Variants in PCDHGB4 observed in about 807,000 individuals in gnomAD.
The protein encoded by PCDHGB4 is protocadherin gamma-B4.
In PCDHGB4, 38 loss-of-function variants were observed where a neutral mutation model predicts 60.5. The observed-to-expected ratio is 0.63, with a 90% CI of 0.48 to 0.82. The LOEUF (loss-of-function observed/expected upper bound fraction) is 0.82. Ranked by LOEUF, PCDHGB4 falls within the 40% of genes least tolerant of loss-of-function variation. The pLI is 0.00. For missense variants in PCDHGB4, 1,109 were observed against 1,209.6 expected (o/e 0.92, Z 1.23); for synonymous variants, 456 against 509.7 (o/e 0.89, Z 1.42).
chr5:141,392,942 C>T, intron 1 of PCDHGB4: 2 of 1,613,954 alleles, frequency 1.2e-6, no homozygotes, highest in Non-Finnish European at 1.7e-6. Context: ...ACAAAGGCTC[C>T]TTCGTGGGTA....
At position 141,485,576 on chromosome 5, in the gene PCDHGB4, C is replaced by A; in HGVS notation, c.2398-9231C>A. 1 of 1,612,412 alleles carries A rather than the reference C, an allele frequency of 6.2e-7. No individual in the cohort carries two copies. The highest frequency in any genetic ancestry group is 8.5e-7 in the Non-Finnish European group (1 of 1,178,628). On this transcript the variant is annotated intron_variant, in intron 1 of 3. Transcript: ENST00000519479. The surrounding 1 kb of genome is among the most constrained non-coding windows in gnomAD (Gnocchi z 5.7). ...GAATGATCACGCCCCCCGTTTTCCGCGGCAGCAGCTGGACTTGGAAATTGG... is the reference window on the plus strand; with the variant it reads ...GAATGATCACGCCCCCCGTTTTCCGAGGCAGCAGCTGGACTTGGAAATTGG...
At chr5:141,394,982 C>T (rs754667421) in intron 1 of PCDHGB4, 16 of 1,613,866 alleles carry the variant, frequency 9.9e-6, no homozygotes, top group Non-Finnish European at 1.3e-5. Context: ...ACAAGTCACG[C>T]CTGCTCCAGG....
chr5:141,474,244 A>G (rs910247549), intron 1 of PCDHGB4, among the ~76,000 whole-genome samples: 26 of 152,270 alleles, frequency 1.7e-4, no homozygotes, highest in Non-Finnish European at 3.2e-4. Context: ...TGAATAGGGG[A>G]AAAAAAGACT....
chr5:141,399,958 G>A (rs2093927763), intron 1 of PCDHGB4: 5 of 1,612,004 alleles, frequency 3.1e-6, no homozygotes, highest in Non-Finnish European at 4.2e-6. Context: ...TAGCGAGCCC[G>A]GGCTCTTCAG....
Position 141,389,314 on chromosome 5 carries a change from C to T in PCDHGB4, c.1430C>T (p.Pro477Leu), listed in dbSNP as rs2091698838. ...ATTTCACAAGTCAGGGCTTCTGATC[C>T]GGACTTGGGGCCCAACGGCCAAGTC... The part of the protein sequence containing the change: ...ASISQVRASD[P>L]DLGPNGQVSY... Residue 477 changes from proline (P) to leucine (L), a missense_variant, in exon 1 of 4, where the codon CCG becomes CTG. By Grantham distance (98) the Pro-to-Leu change is moderately conservative (BLOSUM62 -3). Coordinates refer to ENST00000519479, the MANE Select transcript of PCDHGB4 (RefSeq NM_003736.4). 2 of 1,613,880 alleles carry T rather than the reference C, an allele frequency of 1.2e-6. No homozygotes were observed. Among genetic ancestry groups the T allele is most frequent in the Non-Finnish European group, 8.5e-7 (1 of 1,179,912 alleles).
chr5:141,414,486 AACGG>A, intron 1 of PCDHGB4: 1 of 1,613,938 alleles, frequency 6.2e-7, no homozygotes, highest in Non-Finnish European at 8.5e-7. Flanking sequence ...CTCCTCTATC[AACGG>A]AAGCTCACTT....
rs148331367 is a variant in PCDHGB4 at position 141,435,055 on chromosome 5, A to C, written c.2397+44774A>C. ...TTTATTTTTTTCCCATTGACCATGC[A>C]GCAGTTTTGTGTAGACCGTCTGATA... On this transcript the variant is annotated intron_variant, in intron 1 of 3. Transcript: ENST00000519479. Among the ~76,000 whole-genome samples, 21 of 152,242 alleles carry C rather than the reference A, an allele frequency of 1.4e-4. No individual in the cohort carries two copies. The East Asian group carries it at 4.0e-3, about 29-fold the overall frequency.
chr5:141,503,045 G>A (rs543484478), intron 2 of PCDHGB4, among the ~76,000 whole-genome samples: 1 of 151,702 alleles, frequency 6.6e-6, no homozygotes, highest in South Asian at 2.1e-4. Context: ...AGTTGAGACA[G>A]GGTTTCACCA....
intron 1 of PCDHGB4, among the ~76,000 whole-genome samples, chr5:141,458,236 C>T (rs6874378): frequency 0.18 from 27,546 of 152,106 alleles, 2,658 homozygotes; most frequent in Admixed American, 0.28. Flanking sequence ...AGTCCATGCA[C>T]CAAAATGATA....
rs2095830931 is a variant in PCDHGB4 at position 141,415,116 on chromosome 5, A to G, written c.2397+24835A>G. 3 of 1,613,652 alleles carry G rather than the reference A, an allele frequency of 1.9e-6. No individual in the cohort carries two copies. The East Asian group carries it at 6.7e-5, about 36-fold the overall frequency. On this transcript the variant is annotated intron_variant, in intron 1 of 3. Transcript: ENST00000519479. The stretch of plus-strand genomic sequence containing the variant: ...GAGACGCGCTCAAGCAAAGCCTCGT[A>G]GTGGCCGTCCAGGACCACGGCCAGC...
At position 141,389,061 on chromosome 5, in the gene PCDHGB4, T is replaced by C; in HGVS notation, c.1177T>C (p.Leu393=). ...KLEGDVPFKI[L]TSSRNTYKLV... ...GGAAGGTGATGTTCCATTTAAAATATTAACTTCTTCAAGAAACACGTATAA... is the reference window on the plus strand; with the variant it reads ...GGAAGGTGATGTTCCATTTAAAATACTAACTTCTTCAAGAAACACGTATAA... The change falls in exon 1 of 4, where the codon TTA becomes CTA. Residue 393 remains leucine (L), a synonymous_variant. Coordinates refer to ENST00000519479, the MANE Select transcript of PCDHGB4 (RefSeq NM_003736.4). 1 of 1,614,022 alleles carries C rather than the reference T, an allele frequency of 6.2e-7. No homozygotes were observed. The highest frequency in any genetic ancestry group is 8.5e-7 in the Non-Finnish European group (1 of 1,179,884).
chr5:141,448,211 T>TA (rs2098575794), intron 1 of PCDHGB4, among the ~76,000 whole-genome samples: 1 of 152,212 alleles, frequency 6.6e-6, no homozygotes, highest in East Asian at 1.9e-4. Flanking sequence ...TTTCTGTGTG[T>TA]ATGCGAATGT....
At chr5:141,400,860 A>G (rs77207205) in intron 1 of PCDHGB4, among the ~76,000 whole-genome samples, 6,447 of 152,342 alleles carry the variant, frequency 0.042, 220 homozygotes, top group African/African-American at 0.092. Flanking sequence ...TATTGTATGT[A>G]GATAAACCAT....
chr5:141,413,836 G>A, intron 1 of PCDHGB4: 2 of 1,613,256 alleles, frequency 1.2e-6, no homozygotes, highest in Non-Finnish European at 1.7e-6. Context: ...CGCCTCCGAC[G>A]GGGGTGACCC....
In PCDHGB4 at chr5:141,457,491, A is replaced by G. The variant is rs1462989353; in HGVS notation, c.2398-37316A>G. Among the ~76,000 whole-genome samples, 9 of 152,368 alleles carry G rather than the reference A, an allele frequency of 5.9e-5. No individual in the cohort carries two copies. The East Asian group carries it at 1.5e-3, about 26-fold the overall frequency. On this transcript the variant is annotated intron_variant, in intron 1 of 3. Transcript: ENST00000519479. ...ATAAGCAGGGCCAGGGTTAGTCTAA[A>G]ATGTAGGCAAAAAGCTTAAAAACAA...
At chr5:141,394,199 A>T (rs1353569032) in intron 1 of PCDHGB4, 1 of 1,613,840 alleles carries the variant, frequency 6.2e-7, no homozygotes, top group Non-Finnish European at 8.5e-7. Context: ...CGTATATCCT[A>T]GAGAACAACC....
intron 1 of PCDHGB4, chr5:141,398,766 T>C (rs775055352): frequency 6.2e-6 from 10 of 1,613,844 alleles, no homozygotes; most frequent in Non-Finnish European, 7.6e-6. Flanking sequence ...TAGTCCTGAC[T>C]GCCTTGGACG....
rs761264372 is a variant in PCDHGB4 at position 141,489,500 on chromosome 5, A to G, written c.2398-5307A>G. 12 of 1,614,112 alleles carry G rather than the reference A, an allele frequency of 7.4e-6. No individual in the cohort carries two copies. In the South Asian group the frequency reaches 1.3e-4, roughly 18 times the overall value. On this transcript the variant is annotated intron_variant, in intron 1 of 3. Coordinates refer to ENST00000519479, the MANE Select transcript of PCDHGB4 (RefSeq NM_003736.4). This position sits in a 1 kb window ranked among gnomAD's most constrained non-coding sequence, Gnocchi z 4.5. ...TTGATGAGTGGTGCCCTGGCAGTGA[A>G]TCAAAAGATTGACCGAGAAAGCCTA...
chr5:141,461,167 C>T (rs917796588), intron 1 of PCDHGB4, among the ~76,000 whole-genome samples: 2 of 151,968 alleles, frequency 1.3e-5, no homozygotes, highest in Non-Finnish European at 2.9e-5. Context: ...AGTGGGATTG[C>T]TGGATTGAAT....
Sources: allele counts gnomAD v4.1 joint callset (sites outside exome capture counted in the v4.1 genomes callset), GRCh38; gene constraint gnomAD v4.1.1; non-coding constraint Gnocchi (gnomAD v3.1); transcripts MANE v1.5; gene names NCBI Gene and HGNC (gene_info 2026-07-23, HGNC 2026-07-21).